Variants in FRMPD4 observed in about 807,000 individuals in gnomAD.
The protein encoded by FRMPD4 is FERM and PDZ domain containing 4, also known as FERM and PDZ domain-containing protein 4.
In FRMPD4, 22 loss-of-function variants were observed where a neutral mutation model predicts 94.1. That is an observed-to-expected ratio of 0.23 (90% CI 0.17 to 0.33). FRMPD4 has a LOEUF of 0.33. Ranked by LOEUF, FRMPD4 falls within the 10% of genes least tolerant of loss-of-function variation. The probability of loss-of-function intolerance (pLI) is 1.00; values close to 1 mark genes in which losing one functional copy is unlikely to be tolerated. For synonymous variants in FRMPD4, 631 were observed against 548.6 expected (o/e 1.15, Z -2.10); for missense variants, 1,111 against 1,339.9 (o/e 0.83, Z 2.67).
intron 3 of FRMPD4, among the ~76,000 whole-genome samples, chrX:11,879,240 C>T (rs888951129): frequency 1.1e-4 from 12 of 111,547 alleles, no homozygotes; most frequent in African/African-American, 3.6e-4. Flanking sequence ...TTCTTTTTAG[C>T]GCCTACATTT....
At chrX:11,902,607 G>T (rs1421284493) in intron 3 of FRMPD4, among the ~76,000 whole-genome samples, 5 of 111,320 alleles carry the variant, frequency 4.5e-5, no homozygotes. Context: ...CACATTGGGG[G>T]TTAGGACTTT....
chrX:11,882,442 A>G (rs1054795907), intron 3 of FRMPD4, among the ~76,000 whole-genome samples: 2 of 111,420 alleles, frequency 1.8e-5, no homozygotes. Context: ...ATTTTGTTTT[A>G]TGACATAGTT....
At chrX:11,891,837 T>C (rs1197367508) in intron 3 of FRMPD4, among the ~76,000 whole-genome samples, 3 of 112,407 alleles carry the variant, frequency 2.7e-5, no homozygotes, top group Non-Finnish European at 5.6e-5. Flanking sequence ...TTTAGTAGTA[T>C]CAAAATTATT....
chrX:12,658,282 A>C (rs2059678756), intron 4 of FRMPD4, among the ~76,000 whole-genome samples: 1 of 112,163 alleles, frequency 8.9e-6, no homozygotes, highest in African/African-American at 3.2e-5. Flanking sequence ...AAATTCATAA[A>C]TATGCTATAC....
intron 1 of FRMPD4, among the ~76,000 whole-genome samples, chrX:12,159,647 A>T (rs902256653): frequency 2.7e-5 from 3 of 112,211 alleles, no homozygotes; most frequent in African/African-American, 9.7e-5. Flanking sequence ...TGGAAGATAG[A>T]TATAGTGAGT....
At chrX:11,871,029 T>A (rs917183543) in intron 2 of FRMPD4, among the ~76,000 whole-genome samples, 6 of 112,744 alleles carry the variant, frequency 5.3e-5, no homozygotes, top group Admixed American at 3.7e-4. Flanking sequence ...GGGCCTGTGC[T>A]GCAAGCACCT....
intron 1 of FRMPD4, among the ~76,000 whole-genome samples, chrX:12,255,918 A>C (rs1347846694): frequency 8.9e-6 from 1 of 112,253 alleles, no homozygotes; most frequent in Non-Finnish European, 1.9e-5. Context: ...TGATGGTAGT[A>C]ATGGTCTGGT....
Position 12,018,359 on chromosome X carries a change from T to C in FRMPD4, c.95+140341T>C, listed in dbSNP as rs1164044537. ...CATATTCCATGTTCACAGGGTGTTC[T>C]TCCCTCTGTGTGTGTCTGTCTCTGT... On this transcript the variant is annotated intron_variant, in intron 3 of 18. Coordinates refer to the FRMPD4 transcript ENST00000640291. Among the ~76,000 whole-genome samples, 3 of 111,795 alleles carry C rather than the reference T, an allele frequency of 2.7e-5. No individual in the cohort carries two copies. In the Admixed American group the frequency reaches 2.8e-4, roughly 11 times the overall value.
chrX:12,691,914 G>A (rs184222445), intron 8 of FRMPD4, among the ~76,000 whole-genome samples: 156 of 110,256 alleles, frequency 1.4e-3, no homozygotes, highest in Non-Finnish European at 2.5e-3. Context: ...CTTGTTATTG[G>A]GGTTTGCCTT....
chrX:12,530,188 A>T (rs1022351572), intron 2 of FRMPD4, among the ~76,000 whole-genome samples: 6 of 111,948 alleles, frequency 5.4e-5, no homozygotes, highest in African/African-American at 1.6e-4. Context: ...AGTAAGTAGA[A>T]ACAGCTTTCC....
chrX:12,177,994 G>T (rs888429576), intron 1 of FRMPD4, among the ~76,000 whole-genome samples: 10 of 111,771 alleles, frequency 8.9e-5, no homozygotes, highest in Admixed American at 8.6e-4. Context: ...CTCAGTGTGT[G>T]TGTCCTTCAC....
chrX:11,844,548 C>A (rs1427779744), intron 1 of FRMPD4, among the ~76,000 whole-genome samples: 1 of 110,828 alleles, frequency 9.0e-6, no homozygotes, highest in Non-Finnish European at 1.9e-5. Flanking sequence ...TCTGAAGAAC[C>A]CTAACATGCA....
intron 1 of FRMPD4, among the ~76,000 whole-genome samples, chrX:12,302,367 C>A (rs5979570): frequency 0.41 from 44,737 of 110,446 alleles, 6,939 homozygotes; most frequent in Admixed American, 0.55. Context: ...TTAGATGTTG[C>A]GTAATTTATT....
At chrX:12,134,543 C>T (rs947994138), upstream of FRMPD4, among the ~76,000 whole-genome samples, 3 of 112,020 alleles carry the variant, frequency 2.7e-5, no homozygotes, top group Admixed American at 9.4e-5. Flanking sequence ...TAACTTGCAG[C>T]GAAAGAACCC....
In FRMPD4 at chrX:12,006,863, A is replaced by G. The variant is rs935755937; in HGVS notation, c.95+128845A>G. Reference sequence around the variant, plus strand: ...AGGGCCCATCATTGTAAAGCAGCCAACTGTAGCTTGTCTGCTTTGGTGAGA... The same window carrying G: ...AGGGCCCATCATTGTAAAGCAGCCAGCTGTAGCTTGTCTGCTTTGGTGAGA... On this transcript the variant is annotated intron_variant, in intron 3 of 18. Coordinates refer to the FRMPD4 transcript ENST00000640291. 3.6e-5 allele frequency among the ~76,000 whole-genome samples: 4 copies of G among 111,752 alleles called. No individual in the cohort carries two copies. In the East Asian group the frequency reaches 1.1e-3, roughly 31 times the overall value.
intron 2 of FRMPD4, among the ~76,000 whole-genome samples, chrX:11,867,675 C>G (rs369525074): frequency 1.8e-5 from 2 of 111,871 alleles, no homozygotes; most frequent in African/African-American, 6.5e-5. Context: ...CCCAATGGGT[C>G]ATTTTCAGTC....
chrX:12,150,350 T>G (rs1046468915), intron 1 of FRMPD4, among the ~76,000 whole-genome samples: 4 of 112,160 alleles, frequency 3.6e-5, no homozygotes, highest in African/African-American at 1.3e-4. Flanking sequence ...GCTGATTTAT[T>G]GTAGCCATTT....
chrX:12,717,308 A>AT (rs200958984), intron 15 of FRMPD4, among the ~76,000 whole-genome samples, 175 bp downstream of exon 15: 193 of 109,295 alleles, frequency 1.8e-3, no homozygotes, highest in South Asian at 2.3e-3. Context: ...TTCCTTTGTT[A>AT]TTTTTTTTTA....
chrX:12,387,342 T>C (rs2056410061), intron 1 of FRMPD4, among the ~76,000 whole-genome samples: 1 of 112,470 alleles, frequency 8.9e-6, no homozygotes, highest in East Asian at 2.8e-4. Flanking sequence ...TGTTTATTTC[T>C]ATTTTACGGC....
Sources: allele counts gnomAD v4.1 joint callset (sites outside exome capture counted in the v4.1 genomes callset), GRCh38; gene constraint gnomAD v4.1.1; transcripts MANE v1.5; gene names NCBI Gene and HGNC (gene_info 2026-07-23, HGNC 2026-07-21).